STAU2: variants seen among roughly 807,000 people sequenced by gnomAD.
STAU2 encodes the protein staufen double-stranded RNA binding protein 2.
Under a neutral mutation model 65.9 loss-of-function variants are expected in STAU2, and 20 were observed. The ratio of observed to expected loss-of-function variants is 0.30; its 90% CI spans 0.21 to 0.44. STAU2 has a LOEUF of 0.44. STAU2 is among the 20% of genes least tolerant of loss of function. STAU2 has a pLI of 1.00. For synonymous variants in STAU2, 232 were observed against 233.9 expected, an observed-to-expected ratio of 0.99 and a Z score of 0.07; for missense variants, 558 against 683.9, an observed-to-expected ratio of 0.82 and a Z score of 2.05.
chr8:73,629,825 C>T (rs1011811997), intron 6 of STAU2, among the ~76,000 whole-genome samples: 6 of 152,190 alleles, frequency 3.9e-5, no homozygotes, highest in East Asian at 3.9e-4. Context: ...GAAGTGTAGT[C>T]GTGCGATTAT....
chr8:73,466,706 C>G (rs1819675674), intron 13 of STAU2, among the ~76,000 whole-genome samples: 1 of 152,244 alleles, frequency 6.6e-6, no homozygotes, highest in East Asian at 1.9e-4. Context: ...ATCTACATCT[C>G]CCTTACAGCC....
At chr8:73,667,327 A>G (rs983084650) in intron 6 of STAU2, among the ~76,000 whole-genome samples, 8 of 152,088 alleles carry the variant, frequency 5.3e-5, no homozygotes, top group Non-Finnish European at 2.9e-5. Context: ...ATGACTCCCA[A>G]TCACCTTCAG....
At chr8:73,542,288 A>T (rs1022711989) in intron 13 of STAU2, among the ~76,000 whole-genome samples, 1 of 152,138 alleles carries the variant, frequency 6.6e-6, no homozygotes, top group African/African-American at 2.4e-5. Context: ...GAGGAAAAAA[A>T]TAAATTTCAA....
chr8:73,550,574 T>C, intron 13 of STAU2: 1 of 979,568 alleles, frequency 1.0e-6, no homozygotes, highest in Non-Finnish European at 1.2e-6. Flanking sequence ...TTATTTCTAA[T>C]TCATCCTACG....
chr8:73,720,119 T>C (rs1821536412), intron 3 of STAU2, among the ~76,000 whole-genome samples: 1 of 151,854 alleles, frequency 6.6e-6, no homozygotes, highest in Non-Finnish European at 1.5e-5. Context: ...TCTACAAACA[T>C]TAAAAATAAA....
chr8:73,517,649 T>C (rs920506202), intron 13 of STAU2, among the ~76,000 whole-genome samples: 6 of 152,168 alleles, frequency 3.9e-5, no homozygotes, highest in African/African-American at 1.4e-4. Flanking sequence ...TTTTAGTCTT[T>C]TTTAGTGTGA....
At chr8:73,637,288 G>A (rs1814594843) in intron 6 of STAU2, among the ~76,000 whole-genome samples, 1 of 151,304 alleles carries the variant, frequency 6.6e-6, no homozygotes, top group African/African-American at 2.4e-5. Context: ...TATTCAAGAA[G>A]CTCAGTGAAC....
At position 73,746,836 on chromosome 8, in the gene STAU2, G is replaced by A. The variant is rs182586484; in HGVS notation, c.-250C>T. The A allele has an allele frequency of 8.2e-7, 1 of 1,225,028 alleles. No individual in the cohort carries two copies. The allele number at this position is 1,225,028 out of a possible 1,614,324, so 75.9% of individuals were successfully genotyped here. A position where few individuals can be genotyped will look rare whatever the true frequency, so the allele number is the denominator to read the frequency against. On this transcript the variant is annotated 5_prime_UTR_variant, in exon 1 of 15. Coordinates refer to ENST00000524300, the MANE Select transcript of STAU2 (RefSeq NM_001164380.2). Reference sequence around the variant, plus strand: ...CTCCAACATTGGCAAACACTACAGAGAACTGACCCCGCTCGGCCGCCGCCG... The same window carrying A: ...CTCCAACATTGGCAAACACTACAGAAAACTGACCCCGCTCGGCCGCCGCCG...
intron 12 of STAU2, among the ~76,000 whole-genome samples, chr8:73,568,447 TG>T (rs997647317): frequency 2.0e-5 from 3 of 150,946 alleles, no homozygotes; most frequent in Admixed American, 2.0e-4. Context: ...GTCGGGGGAG[TG>T]GGGGCAAAGC....
In STAU2 at chr8:73,651,040, G is replaced by C. The variant is rs530004545; in HGVS notation, c.410+22067C>G. Among the ~76,000 whole-genome samples the C allele has an allele frequency of 7.9e-5, 12 of 152,308 alleles. No individual in the cohort carries two copies. The South Asian group carries it at 8.3e-4, about 11-fold the overall frequency. On this transcript the variant is annotated intron_variant, in intron 6 of 14. Transcript: ENST00000524300. ...GCGTCCCTCCTCCTCCCCACCTTGT[G>C]GCGGGCAGCAGCCCTCTAGCTTTGG...
chr8:73,657,041 C>T (rs2130287115), intron 6 of STAU2, among the ~76,000 whole-genome samples: 1 of 152,258 alleles, frequency 6.6e-6, no homozygotes, highest in South Asian at 2.1e-4. Flanking sequence ...TTATGAATAC[C>T]TATGCACCAA....
At chr8:73,730,728 C>T (rs1398533958) in intron 3 of STAU2, among the ~76,000 whole-genome samples, 3 of 82,688 alleles carry the variant, frequency 3.6e-5, no homozygotes, top group African/African-American at 7.8e-5. Flanking sequence ...CTACGTCTTT[C>T]AAAAAAAAAA....
At position 73,709,667 on chromosome 8, in the gene STAU2, A is replaced by T. The variant is rs551861576; in HGVS notation, c.-17-505T>A. On this transcript the variant is annotated intron_variant, in intron 3 of 14. Transcript: ENST00000524300. The stretch of plus-strand genomic sequence containing the variant: ...CTACAATTTTTCGGTAACTCTAAAC[A>T]AATTAACTCCCCTTTCTGTTTTTTT... Among the ~76,000 whole-genome samples, 47 of 152,152 alleles carry T rather than the reference A, an allele frequency of 3.1e-4. No individual in the cohort carries two copies. The South Asian group carries it at 9.1e-3, about 30-fold the overall frequency.
Position 73,477,957 on chromosome 8 carries a change from C to T in STAU2, c.1531-55255G>A, listed in dbSNP as rs1820400665. Reference sequence around the variant, plus strand: ...TTATAGAAACAAATTCATTATACTGCTCTACAAACCAATCATGATCAAGTG... The same window carrying T: ...TTATAGAAACAAATTCATTATACTGTTCTACAAACCAATCATGATCAAGTG... On this transcript the variant is annotated intron_variant, in intron 13 of 14. Transcript: ENST00000524300. Among the ~76,000 whole-genome samples the T allele has an allele frequency of 1.3e-5, 2 of 151,932 alleles. 1 individual carries two copies. Among genetic ancestry groups the T allele is most frequent in the African/African-American group, 4.8e-5 (2 of 41,348 alleles).
intron 13 of STAU2, among the ~76,000 whole-genome samples, chr8:73,517,102 G>A (rs1472947091): frequency 6.6e-6 from 1 of 152,070 alleles, no homozygotes; most frequent in Non-Finnish European, 1.5e-5. Context: ...GGGACACTAA[G>A]AATTAGAATA....
chr8:73,622,258 C>G (rs1349664462), intron 6 of STAU2, among the ~76,000 whole-genome samples: 2 of 120,472 alleles, frequency 1.7e-5, no homozygotes, highest in Non-Finnish European at 3.3e-5. Context: ...TCCCGAGTAG[C>G]TGGGACTACA....
intron 6 of STAU2, among the ~76,000 whole-genome samples, chr8:73,625,046 G>A (rs540362524): frequency 9.4e-4 from 143 of 151,948 alleles, no homozygotes; most frequent in African/African-American, 3.1e-3. Flanking sequence ...ACACCCACTA[G>A]GATGGCTATA....
At chr8:73,464,754 C>A (rs755268738) in intron 13 of STAU2, among the ~76,000 whole-genome samples, 32 of 152,094 alleles carry the variant, frequency 2.1e-4, no homozygotes, top group Non-Finnish European at 4.7e-4. Flanking sequence ...TAAAAGGAAT[C>A]CAAATTGAAT....
intron 13 of STAU2, among the ~76,000 whole-genome samples, chr8:73,532,965 T>C (rs770930188): frequency 6.6e-6 from 1 of 152,184 alleles, no homozygotes; most frequent in African/African-American, 2.4e-5. Flanking sequence ...GCACCTTCCA[T>C]GTATTGATTT....
Sources: gnomAD v4.1 joint callset for allele counts (sites outside exome capture counted in the v4.1 genomes callset) on GRCh38, gnomAD v4.1.1 for gene constraint, MANE v1.5 for transcripts, NCBI Gene and HGNC (gene_info 2026-07-23, HGNC 2026-07-21) for gene names.